The following RBM20 variants were observed in gnomAD, a reference collection of about 807,000 sequenced individuals.
RBM20 encodes RNA-binding protein 20.
A neutral mutation model predicts 110.1 loss-of-function variants in RBM20; 51 were observed. The observed-to-expected ratio is 0.46, with a 90% confidence interval of 0.37 to 0.59. RBM20 has a LOEUF of 0.59. Ranked by LOEUF, RBM20 falls within the 20% of genes least tolerant of loss-of-function variation. RBM20 has a pLI of 0.00. For synonymous variants in RBM20, 589 were observed against 618.2 expected, an observed-to-expected ratio of 0.95 and a Z score of 0.70; for missense variants, 1,512 against 1,574.9, an observed-to-expected ratio of 0.96 and a Z score of 0.68.
At position 110,739,923 on chromosome 10, in the gene RBM20, C is replaced by T. The variant is rs527498808; in HGVS notation, c.192-40878C>T. On this transcript the variant is annotated intron_variant, in intron 1 of 13. Transcript: ENST00000369519. The surrounding 1 kb of genome is among the most constrained non-coding windows in gnomAD (Gnocchi z 4.1). ...CCCTGCCCGTCTGGGTCCTCCTGCC[C>T]TCACTGGGTGTTCCCAGCCCCACTA... Among the ~76,000 whole-genome samples, 351 of 152,370 alleles carry T rather than the reference C, an allele frequency of 2.3e-3. 3 individuals carry two copies. Among genetic ancestry groups the T allele is most frequent in the Middle Eastern group, 3.4e-3 (1 of 294 alleles).
At chr10:110,679,632 G>A (rs1862393404) in intron 1 of RBM20, among the ~76,000 whole-genome samples, 1 of 152,194 alleles carries the variant, frequency 6.6e-6, no homozygotes, top group African/African-American at 2.4e-5. Flanking sequence ...TCATGGGGTT[G>A]TTTTGAAAAT....
chr10:110,770,132 G>C (rs955546241), intron 1 of RBM20, among the ~76,000 whole-genome samples: 2 of 152,146 alleles, frequency 1.3e-5, no homozygotes, highest in African/African-American at 4.8e-5. Context: ...ACATGTTCAC[G>C]CTCCACCCCC....
chr10:110,662,798 C>T (rs757702131), intron 1 of RBM20, among the ~76,000 whole-genome samples: 12 of 152,152 alleles, frequency 7.9e-5, no homozygotes, highest in African/African-American at 1.4e-4. Flanking sequence ...AGTAAAGGAT[C>T]GCCCTCCTTC....
At chr10:110,690,919 T>C (rs1862577210) in intron 1 of RBM20, among the ~76,000 whole-genome samples, 1 of 152,222 alleles carries the variant, frequency 6.6e-6, no homozygotes, top group Non-Finnish European at 1.5e-5. Flanking sequence ...TCAATACTTT[T>C]GGGCATATAC....
chr10:110,802,838 A>T (rs1382051683), intron 7 of RBM20, among the ~76,000 whole-genome samples: 1 of 152,218 alleles, frequency 6.6e-6, no homozygotes, highest in Admixed American at 6.5e-5. Context: ...CAACCATGTG[A>T]CCTATCCTAG....
Position 110,662,997 on chromosome 10 carries a change from C to A in RBM20, c.191+18352C>A, listed in dbSNP as rs183963448. ...CTTTTTTTTTTAAGACAGAGTCTCACACTGTCGCCCAGGCTGGAGTTCAAT... is the reference window on the plus strand; with the variant it reads ...CTTTTTTTTTTAAGACAGAGTCTCAAACTGTCGCCCAGGCTGGAGTTCAAT... On this transcript the variant is annotated intron_variant, in intron 1 of 13. Coordinates refer to ENST00000369519, the MANE Select transcript of RBM20 (RefSeq NM_001134363.3). 2.3e-3 allele frequency among the ~76,000 whole-genome samples: 344 copies of A among 152,112 alleles called. 2 individuals carry two copies. The highest frequency in any genetic ancestry group is 8.1e-3 in the African/African-American group (334 of 41,480).
At chr10:110,649,008 A>G (rs982336591) in intron 1 of RBM20, among the ~76,000 whole-genome samples, 1 of 152,014 alleles carries the variant, frequency 6.6e-6, no homozygotes, top group African/African-American at 2.4e-5. Flanking sequence ...GAAGAATTTG[A>G]TCACCCTTTT....
chr10:110,688,897 C>T (rs1351429800), intron 1 of RBM20, among the ~76,000 whole-genome samples: 1 of 152,020 alleles, frequency 6.6e-6, no homozygotes, highest in East Asian at 1.9e-4. Flanking sequence ...TCTTAGTCTT[C>T]CCCAGCCTAT....
intron 1 of RBM20, among the ~76,000 whole-genome samples, chr10:110,758,649 G>T (rs1843953394): frequency 6.6e-6 from 1 of 152,194 alleles, no homozygotes; most frequent in Non-Finnish European, 1.5e-5. Flanking sequence ...TGCCGCCGAT[G>T]ATATGTGCTG....
At chr10:110,686,272 T>A (rs974250894) in intron 1 of RBM20, among the ~76,000 whole-genome samples, 1 of 152,130 alleles carries the variant, frequency 6.6e-6, no homozygotes, top group African/African-American at 2.4e-5. Flanking sequence ...TATTACTATT[T>A]ATTTATAGTA....
rs1845134020 is a variant in RBM20 at position 110,836,590 on chromosome 10, C to G, written c.*612C>G. On this transcript the variant is annotated 3_prime_UTR_variant, in exon 14 of 14. Transcript: ENST00000369519. ...TAACCTCTTCCTCCAACTGGGCCAC[C>G]CTTTTGAAAAGCCCCTGTTTTTAAT... 1 of 152,138 alleles carries G rather than the reference C, an allele frequency of 6.6e-6. No individual in the cohort carries two copies. Among genetic ancestry groups the G allele is most frequent in the Admixed American group, 6.5e-5 (1 of 15,280 alleles). The allele number at this position is 152,138 out of a possible 1,614,324, so 9.4% of individuals were successfully genotyped here. A position where few individuals can be genotyped will look rare whatever the true frequency, so the allele number is the denominator to read the frequency against.
intron 12 of RBM20, among the ~76,000 whole-genome samples, chr10:110,827,479 A>G (rs938338941): frequency 2.6e-5 from 4 of 152,204 alleles, no homozygotes; most frequent in Admixed American, 2.6e-4. Flanking sequence ...AGGCAGCAAC[A>G]CAGTGTAGGA....
intron 1 of RBM20, among the ~76,000 whole-genome samples, chr10:110,712,234 A>G (rs2134914690): frequency 6.6e-6 from 1 of 152,296 alleles, no homozygotes. Flanking sequence ...TTTTCAGGTA[A>G]GTCATATGCC....
At chr10:110,772,987 G>C (rs1208159428) in intron 1 of RBM20, among the ~76,000 whole-genome samples, 1 of 150,918 alleles carries the variant, frequency 6.6e-6, no homozygotes, top group Non-Finnish European at 1.5e-5. Flanking sequence ...ACAAAAAAAA[G>C]AACTCCCTGA....
intron 1 of RBM20, among the ~76,000 whole-genome samples, chr10:110,700,169 TC>T (rs1391858299): frequency 6.6e-6 from 1 of 152,210 alleles, no homozygotes; most frequent in African/African-American, 2.4e-5. Flanking sequence ...ATTCCCCTCT[TC>T]CTGTTTTTCA....
At position 110,768,603 on chromosome 10, in the gene RBM20, C is replaced by T. The variant is rs1844142341; in HGVS notation, c.192-12198C>T. 2.6e-5 allele frequency among the ~76,000 whole-genome samples: 4 copies of T among 152,210 alleles called. No individual in the cohort carries two copies. The South Asian group carries it at 8.3e-4, about 32-fold the overall frequency. On this transcript the variant is annotated intron_variant, in intron 1 of 13. Transcript: ENST00000369519. ...AGGGTATTCTGGTAAGATCTACATT[C>T]CCACATGCTTAAGACAGTCATAATT... is the stretch of plus-strand genomic sequence containing the variant.
In RBM20 at chr10:110,765,111, C is replaced by T. The variant is rs368979311; in HGVS notation, c.192-15690C>T. Among the ~76,000 whole-genome samples, 142 of 152,224 alleles carry T rather than the reference C, an allele frequency of 9.3e-4. 1 individual carries two copies. The highest frequency in any genetic ancestry group is 3.3e-3 in the African/African-American group (136 of 41,522). Reference sequence around the variant, plus strand: ...TCAGGAAGTCTAGATGCTCTTTTTACGCTGGTTACTAAACTCTTCTTTAAA... The same window carrying T: ...TCAGGAAGTCTAGATGCTCTTTTTATGCTGGTTACTAAACTCTTCTTTAAA... On this transcript the variant is annotated intron_variant, in intron 1 of 13. Transcript: ENST00000369519.
At position 110,799,874 on chromosome 10, in the gene RBM20, T is replaced by A. The variant is rs1401634558; in HGVS notation, c.1756T>A (p.Leu586Met). The change falls in exon 7 of 14, where the codon TTG becomes ATG. Residue 586 changes from leucine (L) to methionine (M), a missense_variant. Coordinates refer to ENST00000369519, the MANE Select transcript of RBM20 (RefSeq NM_001134363.3). The stretch of plus-strand genomic sequence containing the variant: ...ATCTGCTGTGATCAATGGTGAGAAG[T>A]TGCTCATTCGGATGTCCAAGAGATA... Reference protein sequence around the residue: ...EKSAVINGEKLLIRMSKRYKE... With the variant: ...EKSAVINGEKMLIRMSKRYKE... 1.9e-6 allele frequency: 3 copies of A among 1,552,140 alleles called. No individual in the cohort carries two copies. The South Asian group carries it at 3.6e-5, about 18-fold the overall frequency.
chr10:110,719,036 AGTTTGT>A (rs1843471826), intron 1 of RBM20, among the ~76,000 whole-genome samples: 1 of 152,178 alleles, frequency 6.6e-6, no homozygotes, highest in African/African-American at 2.4e-5. Flanking sequence ...GTAGAGGGAA[AGTTTGT>A]GTTTGTTTTC....
Sources: allele counts gnomAD v4.1 joint callset (sites outside exome capture counted in the v4.1 genomes callset), GRCh38; gene constraint gnomAD v4.1.1; non-coding constraint Gnocchi (gnomAD v3.1); transcripts MANE v1.5; gene names NCBI Gene and HGNC (gene_info 2026-07-23, HGNC 2026-07-21).